ZNF207: variants seen among roughly 807,000 people sequenced by gnomAD.
ZNF207 encodes the protein zinc finger protein 207.
A neutral mutation model predicts 60.2 loss-of-function variants in ZNF207; 24 were observed. The observed-to-expected ratio is 0.40, with a 90% CI of 0.29 to 0.56. ZNF207 has a LOEUF of 0.56. ZNF207 is among the 20% of genes least tolerant of loss of function. The pLI, the probability that ZNF207 is intolerant of heterozygous loss-of-function variation, is 0.49. For missense variants in ZNF207, 452 were observed against 636.6 expected (o/e 0.71, Z 3.12); for synonymous variants, 236 against 194.7 (o/e 1.21, Z -1.77).
At chr17:32,351,742 G>GT in intron 1 of ZNF207, 44 bp from the exon 2 acceptor site, 1 of 1,609,494 alleles carries the variant, frequency 6.2e-7, no homozygotes. Context: ...ATTATAGGCA[G>GT]TGTCATCATT....
At chr17:32,364,168 C>T (rs549609919) in intron 7 of ZNF207, among the ~76,000 whole-genome samples, 1 of 151,584 alleles carries the variant, frequency 6.6e-6, no homozygotes, top group East Asian at 2.0e-4. Context: ...CAGCACCTGG[C>T]CTCCTTTTTC....
rs199702973 is a variant in ZNF207, at chr17:32,365,527, A to C, written c.828+40A>C. 360 of 1,602,308 alleles carry C rather than the reference A, an allele frequency of 2.2e-4. 2 individuals are homozygous for C. In the African/African-American group the frequency reaches 4.4e-3, roughly 20 times the overall value. ...CTGAAAAGGAGTGCACTTATATTTA[A>C]AGATAAAGTACAGTTGTTTACAGAA... On this transcript the variant is annotated intron_variant, in intron 8 of 11. Transcript: ENST00000394670.
chr17:32,355,988 A>T (rs1904484879), intron 2 of ZNF207, among the ~76,000 whole-genome samples: 1 of 152,198 alleles, frequency 6.6e-6, no homozygotes, highest in Non-Finnish European at 1.5e-5. Context: ...AGAGCAGAGA[A>T]GTGGAGTGGA....
chr17:32,359,609 A>C (rs1182964923), intron 3 of ZNF207, among the ~76,000 whole-genome samples: 1 of 151,574 alleles, frequency 6.6e-6, no homozygotes, highest in Non-Finnish European at 1.5e-5. Context: ...TTCAATTATA[A>C]ATTTAATGGT....
Position 32,361,150 on chromosome 17 carries a change from A to G in ZNF207, c.551+183A>G, listed in dbSNP as rs545880250. 1.5e-4 allele frequency: 108 copies of G among 701,236 alleles called. 1 individual carries two copies. The South Asian group carries it at 1.6e-3, about 11-fold the overall frequency. The allele number at this position is 701,236 out of a possible 1,614,324, so 43.4% of individuals were successfully genotyped here. A position where few individuals can be genotyped will look rare whatever the true frequency, so the allele number is the denominator to read the frequency against. ...AAGGAATATAAATTTGCCTCTGAGT[A>G]ATAGATTTTTGGGTTTTAGGGTATA... On this transcript the variant is annotated intron_variant, in intron 5 of 11. Transcript: ENST00000394670.
chr17:32,363,209 T>A (rs1904980896), intron 7 of ZNF207, among the ~76,000 whole-genome samples: 1 of 152,140 alleles, frequency 6.6e-6, no homozygotes, highest in Non-Finnish European at 1.5e-5. Context: ...TGCCTCAGCC[T>A]CCTGAGTAGC....
rs1465164183 is a variant in ZNF207, at chr17:32,379,082, G to GT, written c.*9329dup. 1 of 152,018 alleles carries GT rather than the reference G, an allele frequency of 6.6e-6. No individual in the cohort carries two copies. Among genetic ancestry groups the GT allele is most frequent in the Non-Finnish European group, 1.5e-5 (1 of 67,936 alleles). The allele number at this position is 152,018 out of a possible 1,614,324, so 9.4% of individuals were successfully genotyped here. On this transcript the variant is annotated 3_prime_UTR_variant, in exon 12 of 12. Transcript: ENST00000394670. ...AATATATCTTACAAGATAACCACTT[G>GT]TTTTTTAATGTAAAATTGCACAAGG...
In ZNF207 at chr17:32,374,661, T is replaced by G. The variant is rs1160877183; in HGVS notation, c.*4902T>G. Reference sequence around the variant, plus strand: ...GAGCCCTGTAAAGGTGGGAAGGTGGTGTCTATGTGTGTGCTTGTGTATGTG... The same window carrying G: ...GAGCCCTGTAAAGGTGGGAAGGTGGGGTCTATGTGTGTGCTTGTGTATGTG... On this transcript the variant is annotated 3_prime_UTR_variant, in exon 12 of 12. Coordinates refer to ENST00000394670, the MANE Select transcript of ZNF207 (RefSeq NM_001098507.2). The G allele has an allele frequency of 6.6e-6, 1 of 152,236 alleles. No homozygotes were observed. Among genetic ancestry groups the G allele is most frequent in the African/African-American group, 2.4e-5 (1 of 41,458 alleles). 9.4% of individuals were successfully genotyped at this position (152,236 alleles called of 1,614,324 possible).
In ZNF207 at chr17:32,350,324, C is replaced by T; in HGVS notation, c.39C>T (p.Cys13=). The change falls in exon 1 of 12, where the codon TGC becomes TGT. Residue 13 remains cysteine, a splice_region_variant and synonymous_variant. Coordinates refer to ENST00000394670, the MANE Select transcript of ZNF207 (RefSeq NM_001098507.2). ...AGAAGAAGCAGCTGAAGCCGTGGTG[C>T]TGGTATCCTTTGTCGGTTTGAAGTC... The part of the protein sequence containing the change: ...RKKKKQLKPW[C]WYCNRDFDDE... 6.2e-7 allele frequency: 1 copy of T among 1,614,084 alleles called. No individual in the cohort carries two copies. Among genetic ancestry groups the T allele is most frequent in the Non-Finnish European group, 8.5e-7 (1 of 1,180,024 alleles).
At position 32,365,340 on chromosome 17, in the gene ZNF207, A is replaced by G. The variant is rs1057417560; in HGVS notation, c.681A>G (p.Pro227=). 4 of 1,613,674 alleles carry G rather than the reference A, an allele frequency of 2.5e-6. No individual in the cohort carries two copies. Among genetic ancestry groups the G allele is most frequent in the East Asian group, 2.2e-5 (1 of 44,872 alleles). The change falls in exon 8 of 12, where the codon CCA becomes CCG. Residue 227 remains proline, a synonymous_variant. Transcript: ENST00000394670. ...LMPGMPPGMP[P]PVPRPGIPPM... ...ATTTCTTCTCTGCAGGTATGCCCCC[A>G]CCTGTTCCACGTCCTGGAATTCCTC... is the stretch of plus-strand genomic sequence containing the variant.
In ZNF207 at chr17:32,369,872, T is replaced by C. The variant is rs1306354487; in HGVS notation, c.*113T>C. 4.4e-6 allele frequency: 5 copies of C among 1,126,554 alleles called. No homozygotes were observed. Among genetic ancestry groups the C allele is most frequent in the Admixed American group, 7.0e-5 (2 of 28,376 alleles). 69.8% of individuals were successfully genotyped at this position (1,126,554 alleles called of 1,614,324 possible). ...TTCATTGTGACTTTAACAAACATTA[T>C]CTTCCCACATACCAGGAACTATTGG... On this transcript the variant is annotated 3_prime_UTR_variant, in exon 12 of 12. Coordinates refer to ENST00000394670, the MANE Select transcript of ZNF207 (RefSeq NM_001098507.2).
rs1420611628 is a variant in ZNF207, at chr17:32,369,829, A to C, written c.*70A>C. 35 of 1,351,646 alleles carry C rather than the reference A, an allele frequency of 2.6e-5. 1 individual carries two copies. Among genetic ancestry groups the C allele is most frequent in the Middle Eastern group, 4.1e-4 (2 of 4,862 alleles). The allele number at this position is 1,351,646 out of a possible 1,614,324, so 83.7% of individuals were successfully genotyped here. On this transcript the variant is annotated 3_prime_UTR_variant, in exon 12 of 12. Transcript: ENST00000394670. ...TCAACTTGTGCTGTTTATATAGCCA[A>C]GCTTCCGTCAATAAGGCTTCATTGT...
chr17:32,367,650 A>G, intron 9 of ZNF207, 122 bp from the exon 10 acceptor site: 2 of 1,287,386 alleles, frequency 1.6e-6, no homozygotes, highest in South Asian at 1.5e-5. Flanking sequence ...TTAACTTTGT[A>G]TTAATTTCAT....
chr17:32,376,579 A>G lies in ZNF207; in HGVS notation c.*6820A>G, dbSNP rs761235183. ...TTTACTAAGCGGAAGTAGTAGTCAT[A>G]TTGAGGCAGAAATTTGTAGCCCAAA... On this transcript the variant is annotated 3_prime_UTR_variant, in exon 12 of 12. Coordinates refer to ENST00000394670, the MANE Select transcript of ZNF207 (RefSeq NM_001098507.2). The G allele has an allele frequency of 4.6e-5, 7 of 151,936 alleles. No individual in the cohort carries two copies. Among genetic ancestry groups the G allele is most frequent in the Non-Finnish European group, 8.8e-5 (6 of 67,912 alleles). 9.4% of individuals were successfully genotyped at this position (151,936 alleles called of 1,614,324 possible).
chr17:32,369,159 C>T, intron 10 of ZNF207, 136 bp from the exon 11 acceptor site: 1 of 926,538 alleles, frequency 1.1e-6, no homozygotes, highest in South Asian at 1.9e-5. Flanking sequence ...GTTTGTCTGG[C>T]AAAAGTAAAT....
At chr17:32,367,285 A>ATATATATATAT (rs1905245429) in intron 9 of ZNF207, among the ~76,000 whole-genome samples, 3 of 134,098 alleles carry the variant, frequency 2.2e-5, no homozygotes, top group South Asian at 2.3e-4. Flanking sequence ...ATATATATAT[A>ATATATATATAT]AAGAATACTA....
chr17:32,369,150 T>C (rs1905344767), intron 10 of ZNF207, 145 bp from the exon 11 acceptor site: 1 of 820,792 alleles, frequency 1.2e-6, no homozygotes. Flanking sequence ...GTTGGATTGG[T>C]TTGTCTGGCA....
intron 6 of ZNF207, among the ~76,000 whole-genome samples, chr17:32,362,005 A>G (rs1029364575): frequency 2.0e-5 from 3 of 152,140 alleles, no homozygotes; most frequent in Non-Finnish European, 2.9e-5. Context: ...TTTAGGGGAA[A>G]AAATAAGTGG....
chr17:32,378,926 G>T lies in ZNF207; in HGVS notation c.*9167G>T, dbSNP rs954058684. On this transcript the variant is annotated 3_prime_UTR_variant, in exon 12 of 12. Coordinates refer to ENST00000394670, the MANE Select transcript of ZNF207 (RefSeq NM_001098507.2). ...CCTTGTGTGATGTTTAATTTGAGAC[G>T]ATCTAGCCATAAAACTAGTAATCTT... is the stretch of plus-strand genomic sequence containing the variant. 6.6e-6 allele frequency: 1 copy of T among 152,002 alleles called. No individual in the cohort carries two copies. The highest frequency in any genetic ancestry group is 2.4e-5 in the African/African-American group (1 of 41,408). 9.4% of individuals were successfully genotyped at this position (152,002 alleles called of 1,614,324 possible).
Sources: allele counts gnomAD v4.1 joint callset (sites outside exome capture counted in the v4.1 genomes callset), GRCh38; gene constraint gnomAD v4.1.1; transcripts MANE v1.5; gene names NCBI Gene and HGNC (gene_info 2026-07-23, HGNC 2026-07-21).